The following ADAMTS19 variants were observed in gnomAD, a reference collection of about 807,000 sequenced individuals.
ADAMTS19 encodes the protein A disintegrin and metalloproteinase with thrombospondin motifs 19.
ADAMTS19 carries 93 observed loss-of-function variants against 153.3 expected under a neutral mutation model. The observed-to-expected ratio is 0.61, with a 90% confidence interval of 0.51 to 0.72. The LOEUF (loss-of-function observed/expected upper bound fraction) is 0.72, where lower values mean the gene tolerates loss of function less well. Among genes scored for constraint, ADAMTS19 ranks in the 30% least tolerant of loss-of-function variants. The pLI, the probability that ADAMTS19 is intolerant of heterozygous loss-of-function variation, is 0.00. For missense variants in ADAMTS19, 1,482 were observed against 1,552.1 expected, an observed-to-expected ratio of 0.95 and a Z score of 0.76; for synonymous variants, 600 against 556.6, an observed-to-expected ratio of 1.08 and a Z score of -1.10.
At chr5:129,647,201 G>A (rs1753100226) in intron 11 of ADAMTS19, among the ~76,000 whole-genome samples, 1 of 133,582 alleles carries the variant, frequency 7.5e-6, no homozygotes, top group African/African-American at 3.0e-5. Flanking sequence ...TGAACTTGAT[G>A]GGAATTCTTT....
intron 6 of ADAMTS19, among the ~76,000 whole-genome samples, chr5:129,544,424 A>T (rs1240244960): frequency 6.6e-6 from 1 of 152,222 alleles, no homozygotes. Context: ...CCTAATGCTA[A>T]CAATAAACTA....
At position 129,547,491 on chromosome 5, in the gene ADAMTS19, A is replaced by G. The variant is rs920028304; in HGVS notation, c.1329-4373A>G. ...TATCATACTTTAGAAAGTAAAAGGAATCATACATCAACCACAATTTAATGT... is the reference window on the plus strand; with the variant it reads ...TATCATACTTTAGAAAGTAAAAGGAGTCATACATCAACCACAATTTAATGT... On this transcript the variant is annotated intron_variant, in intron 6 of 22. Transcript: ENST00000274487. Among the ~76,000 whole-genome samples, 5 of 150,682 alleles carry G rather than the reference A, an allele frequency of 3.3e-5. 1 individual carries two copies. Among genetic ancestry groups the G allele is most frequent in the African/African-American group, 1.0e-4 (4 of 40,064 alleles).
rs10045780 is a variant in ADAMTS19 at position 129,478,898 on chromosome 5, T to C, written c.747+17141T>C. On this transcript the variant is annotated intron_variant, in intron 2 of 22. Coordinates refer to ENST00000274487, the MANE Select transcript of ADAMTS19 (RefSeq NM_133638.6). Reference sequence around the variant, plus strand: ...GAGGAAAATCAATGAATGGAGGCGCTGTAGTTTTCATTTGCATTGATTTTT... The same window carrying C: ...GAGGAAAATCAATGAATGGAGGCGCCGTAGTTTTCATTTGCATTGATTTTT... Among the ~76,000 whole-genome samples the C allele has an allele frequency of 9.6e-3, 1,460 of 152,262 alleles. 24 individuals carry two copies. Among genetic ancestry groups the C allele is most frequent in the African/African-American group, 0.034 (1,420 of 41,548 alleles).
At chr5:129,708,201 G>T (rs2127174554) in intron 21 of ADAMTS19, among the ~76,000 whole-genome samples, 1 of 152,256 alleles carries the variant, frequency 6.6e-6, no homozygotes, top group Non-Finnish European at 1.5e-5. Flanking sequence ...CTAAGAAAAA[G>T]TAATGCAGCC....
chr5:129,471,101 G>T (rs1369777502), intron 2 of ADAMTS19, among the ~76,000 whole-genome samples: 3 of 148,912 alleles, frequency 2.0e-5, no homozygotes, highest in Non-Finnish European at 4.5e-5. Context: ...CGGGGGTGGT[G>T]GGGGGTGGTT....
intron 7 of ADAMTS19, among the ~76,000 whole-genome samples, chr5:129,570,606 C>A: frequency 6.8e-6 from 1 of 146,662 alleles, no homozygotes; most frequent in African/African-American, 2.5e-5. Context: ...TACTAAAAAC[C>A]AAACTAAGGA....
At chr5:129,676,153 A>G (rs1754541424) in intron 16 of ADAMTS19, among the ~76,000 whole-genome samples, 1 of 152,152 alleles carries the variant, frequency 6.6e-6, no homozygotes, top group African/African-American at 2.4e-5. Context: ...GCAATCCCTG[A>G]CTTTTTCCCA....
chr5:129,632,470 G>A (rs1437696528), intron 10 of ADAMTS19, among the ~76,000 whole-genome samples: 1 of 151,718 alleles, frequency 6.6e-6, no homozygotes. Flanking sequence ...TGTAAAAATA[G>A]TCTTTTACTT....
chr5:129,584,678 G>A (rs1170769574), intron 7 of ADAMTS19, among the ~76,000 whole-genome samples: 4 of 152,082 alleles, frequency 2.6e-5, no homozygotes, highest in African/African-American at 7.2e-5. Context: ...TGAACTTCCT[G>A]GTAGCTTTGT....
At chr5:129,649,635 T>G (rs1223607206) in intron 13 of ADAMTS19, among the ~76,000 whole-genome samples, 1 of 152,102 alleles carries the variant, frequency 6.6e-6, no homozygotes, top group African/African-American at 2.4e-5. Flanking sequence ...ATGAATAGTT[T>G]CAGACCTTGA....
chr5:129,557,514 C>G (rs767402979), intron 7 of ADAMTS19, among the ~76,000 whole-genome samples: 4 of 152,074 alleles, frequency 2.6e-5, no homozygotes, highest in Middle Eastern at 3.2e-3. Flanking sequence ...GCAGGATGAT[C>G]GCTTGAACCC....
intron 21 of ADAMTS19, among the ~76,000 whole-genome samples, chr5:129,714,712 G>A (rs1756644440): frequency 6.6e-6 from 1 of 152,146 alleles, no homozygotes. Flanking sequence ...ACACCAACTT[G>A]ATAGGTGGAA....
chr5:129,619,655 G>C (rs1001059390), intron 8 of ADAMTS19, among the ~76,000 whole-genome samples: 4 of 151,958 alleles, frequency 2.6e-5, no homozygotes, highest in Admixed American at 1.3e-4. Context: ...AAGGGAGAAT[G>C]TTGGTAAAGA....
At chr5:129,465,617 T>C (rs568373809) in intron 2 of ADAMTS19, among the ~76,000 whole-genome samples, 29 of 152,344 alleles carry the variant, frequency 1.9e-4, no homozygotes, top group Non-Finnish European at 1.9e-4. Context: ...AACAATTAAA[T>C]ATTTTTGTGA....
intron 1 of ADAMTS19, 63 bp downstream of exon 1, chr5:129,460,545 C>A: frequency 6.3e-7 from 1 of 1,596,702 alleles, no homozygotes; most frequent in South Asian, 1.1e-5. Context: ...CGCGAACGTA[C>A]GGGTCGGCAG....
intron 7 of ADAMTS19, among the ~76,000 whole-genome samples, chr5:129,593,826 T>A (rs1750255274): frequency 6.6e-6 from 1 of 152,186 alleles, no homozygotes; most frequent in Admixed American, 6.6e-5. Flanking sequence ...AGCAACATAT[T>A]TTCTGACTCA....
intron 8 of ADAMTS19, among the ~76,000 whole-genome samples, chr5:129,611,599 A>G (rs533050097): frequency 6.6e-6 from 1 of 152,254 alleles, no homozygotes; most frequent in Admixed American, 6.5e-5. Flanking sequence ...AGATGGTTGT[A>G]GATGTGTGGT....
In ADAMTS19 at chr5:129,534,408, G is replaced by C. The variant is rs545953706; in HGVS notation, c.1328+5731G>C. Among the ~76,000 whole-genome samples, 435 of 152,196 alleles carry C rather than the reference G, an allele frequency of 2.9e-3. 3 individuals are homozygous for C. The highest frequency in any genetic ancestry group is 9.8e-3 in the African/African-American group (407 of 41,514). On this transcript the variant is annotated intron_variant, in intron 6 of 22. Transcript: ENST00000274487. ...GAATCTCTGAATAGACCAATAACAG[G>C]CTCTGAAATTGAGGCAATAATTAAT...
At chr5:129,501,914 T>C (rs1391225540) in intron 2 of ADAMTS19, among the ~76,000 whole-genome samples, 1 of 152,084 alleles carries the variant, frequency 6.6e-6, no homozygotes, top group Non-Finnish European at 1.5e-5. Context: ...TAAACAGATA[T>C]ACAAACTTTG....
Sources: allele counts gnomAD v4.1 joint callset (sites outside exome capture counted in the v4.1 genomes callset), GRCh38; gene constraint gnomAD v4.1.1; transcripts MANE v1.5; gene names NCBI Gene and HGNC (gene_info 2026-07-23, HGNC 2026-07-21).